The following UBA2 variants were observed in gnomAD, a reference collection of about 807,000 sequenced individuals.
UBA2 encodes SUMO-activating enzyme subunit 2.
Under a neutral mutation model 77.2 loss-of-function variants are expected in UBA2, and 11 were observed. The ratio of observed to expected loss-of-function variants is 0.14; its 90% CI spans 0.09 to 0.24. UBA2 has a LOEUF of 0.24. Among genes scored for constraint, UBA2 ranks in the 10% least tolerant of loss-of-function variants. UBA2 has a pLI of 1.00. For missense variants in UBA2, 487 were observed against 781.7 expected, an observed-to-expected ratio of 0.62 and a Z score of 4.50; for synonymous variants, 278 against 276.7, an observed-to-expected ratio of 1.00 and a Z score of -0.05.
intron 14 of UBA2, 58 bp downstream of exon 14, chr19:34,460,624 C>T: frequency 8.2e-7 from 1 of 1,226,826 alleles, no homozygotes; most frequent in Non-Finnish European, 1.2e-6. Flanking sequence ...GAAGAGTGCA[C>T]ATTAGTTGAT....
chr19:34,434,834 TCCCA>T, intron 4 of UBA2, 30 bp from the exon 5 acceptor site: 2 of 1,510,670 alleles, frequency 1.3e-6, no homozygotes, highest in Admixed American at 1.9e-5. Flanking sequence ...ATTTTTTTTT[TCCCA>T]AAAACTCATA....
chr19:34,462,703 C>T (rs1393412011), intron 14 of UBA2, among the ~76,000 whole-genome samples: 3 of 152,162 alleles, frequency 2.0e-5, no homozygotes, highest in African/African-American at 7.2e-5. Context: ...CACTGGCTCA[C>T]ACCTCTAATC....
chr19:34,458,601 A>G (rs1320003576), intron 12 of UBA2, 168 bp from the exon 13 acceptor site: 2 of 398,640 alleles, frequency 5.0e-6, no homozygotes, highest in South Asian at 9.1e-5. Context: ...AAGAAGGTTG[A>G]AAAACCAGGT....
intron 16 of UBA2, 133 bp downstream of exon 16, chr19:34,467,147 T>A: frequency 9.2e-7 from 1 of 1,091,380 alleles, no homozygotes; most frequent in Non-Finnish European, 1.3e-6. Context: ...TTGATTGTTG[T>A]AATGGAGCTT....
At chr19:34,468,620 A>G (rs962851284) in intron 16 of UBA2, among the ~76,000 whole-genome samples, 1 of 152,138 alleles carries the variant, frequency 6.6e-6, no homozygotes, top group Non-Finnish European at 1.5e-5. Context: ...TACTCATGTG[A>G]TCTTCTTTAT....
rs371661388 is a variant in UBA2 at position 34,467,017 on chromosome 19, G to C, written c.1741+3G>C. ...AGCTCAGCCCTCCACCTCCACAGGT[G>C]AGTATGGCCCCAGCCAGCAGGTTGT... On this transcript the variant is annotated splice_donor_region_variant and intron_variant, in intron 16 of 16. Transcript: ENST00000246548. 2.5e-6 allele frequency: 4 copies of C among 1,613,016 alleles called. No homozygotes were observed. Among genetic ancestry groups the C allele is most frequent in the African/African-American group, 2.7e-5 (2 of 74,920 alleles).
rs750527719 is a variant in UBA2, at chr19:34,454,503, A to G, written c.1192A>G (p.Ile398Val). 6.2e-7 allele frequency: 1 copy of G among 1,611,014 alleles called. No individual in the cohort carries two copies. Among genetic ancestry groups the G allele is most frequent in the East Asian group, 2.2e-5 (1 of 44,804 alleles). The part of the protein sequence containing the change: ...ATTNAVIAGL[I>V]VLEGLKILSG... ...TACTAATGCAGTAATTGCTGGGTTG[A>G]TAGTATTGGAAGGATTGAAGATTTT... The change falls in exon 12 of 17, where the codon ATA (isoleucine) becomes GTA (valine). Residue 398 changes from isoleucine to valine, a missense_variant. Physicochemically the swap from Ile to Val is conservative, Grantham distance 29. Coordinates refer to ENST00000246548, the MANE Select transcript of UBA2 (RefSeq NM_005499.3).
At chr19:34,466,842 A>G (rs113892117) in intron 15 of UBA2, 36 bp from the exon 16 acceptor site, 4 of 1,596,910 alleles carry the variant, frequency 2.5e-6, no homozygotes, top group South Asian at 1.1e-5. Flanking sequence ...TGCTTTCTAA[A>G]TAGTCATAGC....
At chr19:34,433,900 G>T (rs1352967614) in intron 4 of UBA2, among the ~76,000 whole-genome samples, 2 of 152,132 alleles carry the variant, frequency 1.3e-5, no homozygotes, top group African/African-American at 4.8e-5. Flanking sequence ...AGAGGTTGCA[G>T]TGAGCCTAGA....
At chr19:34,450,864 C>T (rs370384328) in intron 9 of UBA2, among the ~76,000 whole-genome samples, 17 of 151,506 alleles carry the variant, frequency 1.1e-4, no homozygotes, top group African/African-American at 3.9e-4. Context: ...CTCAGCCTCC[C>T]GAGTAGCTGG....
rs375236348 is a variant in UBA2 at position 34,464,143 on chromosome 19, T to C, written c.1604+12T>C. On this transcript the variant is annotated intron_variant, in intron 15 of 16. Transcript: ENST00000246548. The stretch of plus-strand genomic sequence containing the variant: ...AACATCCTTCATAGGTAAGAGCTAT[T>C]AGTATTTTAATTGTAAGAAATTATT... 1.2e-4 allele frequency: 187 copies of C among 1,500,218 alleles called. No individual in the cohort carries two copies. The highest frequency in any genetic ancestry group is 1.6e-4 in the Non-Finnish European group (175 of 1,080,924). 92.9% of individuals were successfully genotyped at this position (1,500,218 alleles called of 1,614,324 possible).
chr19:34,457,180 ATATATATATATAT>A (rs1318940912), intron 12 of UBA2, among the ~76,000 whole-genome samples: 2 of 39,968 alleles, frequency 5.0e-5, no homozygotes, highest in South Asian at 1.1e-3. Flanking sequence ...AAAAAAAAAA[ATATATATATATAT>A]ATATATATAT....
At chr19:34,466,689 T>G (rs2075691473) in intron 15 of UBA2, among the ~76,000 whole-genome samples, 189 bp from the exon 16 acceptor site, 1 of 152,048 alleles carries the variant, frequency 6.6e-6, no homozygotes, top group African/African-American at 2.4e-5. Flanking sequence ...AGCCCAAGAT[T>G]TCAAGACCAG....
intron 2 of UBA2, among the ~76,000 whole-genome samples, chr19:34,431,252 T>TTTTC (rs1469764940): frequency 7.4e-6 from 1 of 134,892 alleles, no homozygotes; most frequent in East Asian, 2.1e-4. Context: ...TTCTTTTTTT[T>TTTTC]TTTTTTTTTT....
chr19:34,449,381 A>G (rs1184777151), intron 8 of UBA2, among the ~76,000 whole-genome samples: 1 of 152,076 alleles, frequency 6.6e-6, no homozygotes, highest in Non-Finnish European at 1.5e-5. Flanking sequence ...ATCCTTACTC[A>G]AGGCTTTGTG....
intron 14 of UBA2, 79 bp from the exon 15 acceptor site, chr19:34,463,947 A>G: frequency 1.0e-6 from 1 of 971,564 alleles, no homozygotes; most frequent in Non-Finnish European, 1.7e-6. Context: ...CCCATAACAG[A>G]GGTTTAGCTT....
At chr19:34,463,292 CT>C (rs1319402804) in intron 14 of UBA2, among the ~76,000 whole-genome samples, 1 of 152,092 alleles carries the variant, frequency 6.6e-6, no homozygotes, top group Non-Finnish European at 1.5e-5. Context: ...TTTGGTCCCC[CT>C]GAAGTAGTTT....
intron 15 of UBA2, 69 bp downstream of exon 15, chr19:34,464,200 A>T: frequency 1.8e-6 from 2 of 1,114,068 alleles, no homozygotes; most frequent in Non-Finnish European, 2.7e-6. Flanking sequence ...AAATGAAGGA[A>T]AAGTGTTTTC....
In UBA2 at chr19:34,452,088, G is replaced by A. The variant is rs777085650; in HGVS notation, c.979G>A (p.Glu327Lys). 1.9e-6 allele frequency: 3 copies of A among 1,609,662 alleles called. No homozygotes were observed. The highest frequency in any genetic ancestry group is 2.5e-6 in the Non-Finnish European group (3 of 1,176,992). Residue 327 changes from glutamate to lysine, a missense_variant, in exon 10 of 17, where the codon GAG (glutamate) becomes AAG (lysine). Physicochemically the swap from Glu to Lys is moderately conservative, Grantham distance 56 (BLOSUM62 1). Around this residue, in one of 9 missense-constraint regions of UBA2, gnomAD observed 300 missense variants for 454.3 expected, o/e 0.66. Coordinates refer to ENST00000246548, the MANE Select transcript of UBA2 (RefSeq NM_005499.3). ...SYARLFSKSI[E>K]TLRVHLAEKG... ...TGCACGTCTTTTTTCAAAGAGCATC[G>A]AGACTTTGAGAGTTCATTTAGCAGA...
Sources: gnomAD v4.1 joint callset for allele counts (sites outside exome capture counted in the v4.1 genomes callset) on GRCh38, gnomAD v4.1.1 for gene constraint, gnomAD v4.1.1 regional missense constraint, MANE v1.5 for transcripts, NCBI Gene and HGNC (gene_info 2026-07-23, HGNC 2026-07-21) for gene names.